Variants in PHF24 observed in about 807,000 individuals in gnomAD.
PHF24 encodes the protein PHD finger protein 24.
A neutral mutation model predicts 42.6 loss-of-function variants in PHF24; 25 were observed. The observed-to-expected ratio is 0.59, with a 90% confidence interval of 0.43 to 0.82. The LOEUF is 0.82. Ranked by LOEUF, PHF24 falls within the 40% of genes least tolerant of loss-of-function variation. PHF24 has a pLI of 0.00. For synonymous variants in PHF24, 185 were observed against 204.8 expected, an observed-to-expected ratio of 0.90 and a Z score of 0.83; for missense variants, 470 against 538.1, an observed-to-expected ratio of 0.87 and a Z score of 1.25.
chr9:34,671,096 C>G, the PHF24 span, among the ~76,000 whole-genome samples: 1 of 152,192 alleles, frequency 6.6e-6, no homozygotes, highest in Non-Finnish European at 1.5e-5. Flanking sequence ...CTTATTGACC[C>G]ATTTTCCTAT....
At chr9:34,781,913 G>A in the PHF24 span, among the ~76,000 whole-genome samples, 1 of 152,276 alleles carries the variant, frequency 6.6e-6, no homozygotes, top group South Asian at 2.1e-4. Context: ...CATTTCCCAG[G>A]CACAGTAAGA....
At chr9:34,979,424 C>T (rs1827315535) in exon 8 of PHF24, 1 of 152,256 alleles carries the variant, frequency 6.6e-6, no homozygotes, top group Admixed American at 6.5e-5. Context: ...GGCCTCCAAG[C>T]CCCAGCCCTC....
intron 3 of PHF24, among the ~76,000 whole-genome samples, chr9:34,973,707 C>G (rs1827088318): frequency 6.6e-6 from 1 of 152,218 alleles, no homozygotes; most frequent in Admixed American, 6.5e-5. Flanking sequence ...CACTGAAACA[C>G]CTGTCCCCAT....
the PHF24 span, chr9:34,709,144 T>A: frequency 5.2e-6 from 3 of 578,200 alleles, no homozygotes; most frequent in Non-Finnish European, 9.1e-6. Context: ...TGCTGCCTCC[T>A]CTCATGCTCC....
At chr9:34,761,447 G>C in the PHF24 span, among the ~76,000 whole-genome samples, 2 of 152,154 alleles carry the variant, frequency 1.3e-5, no homozygotes, top group African/African-American at 4.8e-5. Flanking sequence ...ATTAAAGAAA[G>C]AGAGCAGATG....
the PHF24 span, among the ~76,000 whole-genome samples, chr9:34,765,808 C>A: frequency 2.6e-5 from 4 of 152,170 alleles, no homozygotes; most frequent in African/African-American, 7.2e-5. Flanking sequence ...ATGGTCTTTA[C>A]AATTTGGCAT....
chr9:34,836,017 C>A, the PHF24 span: 1 of 653,480 alleles, frequency 1.5e-6, no homozygotes, highest in South Asian at 1.5e-5. Context: ...ACATAGGATT[C>A]GCCGCACACT....
At chr9:34,977,584 CCAG>C (rs759728708) in exon 7 of PHF24, 30 of 1,609,428 alleles carry the variant, frequency 1.9e-5, no homozygotes, top group Admixed American at 1.0e-4. Context: ...AGCAGCCCAG[CCAG>C]CAGCAGCAGC....
chr9:34,915,123 C>G, the PHF24 span, among the ~76,000 whole-genome samples: 2 of 150,420 alleles, frequency 1.3e-5, no homozygotes, highest in South Asian at 2.1e-4. Flanking sequence ...GCCTCGACCT[C>G]CTGGGCTCAA....
At chr9:34,899,440 T>G in the PHF24 span, among the ~76,000 whole-genome samples, 1 of 152,180 alleles carries the variant, frequency 6.6e-6, no homozygotes, top group Non-Finnish European at 1.5e-5. Context: ...ATGCCACTGG[T>G]GTGAGACTTG....
exon 6 of PHF24, chr9:34,977,090 T>C: frequency 4.4e-6 from 7 of 1,597,494 alleles, no homozygotes; most frequent in South Asian, 3.4e-5. Context: ...CAGAACTCTC[T>C]GTTGAGGCTT....
At chr9:34,878,172 T>C in the PHF24 span, among the ~76,000 whole-genome samples, 4 of 152,132 alleles carry the variant, frequency 2.6e-5, no homozygotes, top group Non-Finnish European at 5.9e-5. Flanking sequence ...GAGGGGAATA[T>C]ATAGGAACTC....
At chr9:34,815,723 A>G in the PHF24 span, among the ~76,000 whole-genome samples, 1 of 152,230 alleles carries the variant, frequency 6.6e-6, no homozygotes. Context: ...TGTTTTAAAT[A>G]TGCATAGCCT....
At chr9:34,708,734 T>C in the PHF24 span, among the ~76,000 whole-genome samples, 1 of 152,162 alleles carries the variant, frequency 6.6e-6, no homozygotes. Flanking sequence ...CAGGACAGAA[T>C]CAGGGTCTCA....
exon 8 of PHF24, chr9:34,982,532 G>A (rs770188732): frequency 3.3e-5 from 5 of 152,222 alleles, no homozygotes; most frequent in African/African-American, 9.6e-5. Context: ...ATAATAAAGC[G>A]ATTGCGATGC....
the PHF24 span, among the ~76,000 whole-genome samples, chr9:34,756,073 T>G: frequency 6.6e-6 from 1 of 152,164 alleles, no homozygotes; most frequent in African/African-American, 2.4e-5. Flanking sequence ...GGTCTTACTC[T>G]TCACCCTGTA....
At chr9:34,822,906 A>G in the PHF24 span, among the ~76,000 whole-genome samples, 5 of 152,134 alleles carry the variant, frequency 3.3e-5, no homozygotes, top group Non-Finnish European at 7.4e-5. Context: ...GCAAAAAAAA[A>G]GATTGTCCGG....
At chr9:34,730,260 C>A in the PHF24 span, among the ~76,000 whole-genome samples, 1 of 152,182 alleles carries the variant, frequency 6.6e-6, no homozygotes, top group Non-Finnish European at 1.5e-5. Flanking sequence ...AATTTTTAGG[C>A]AGGGCATGTG....
chr9:34,936,271 G>GTGTTC, the PHF24 span, among the ~76,000 whole-genome samples: 2 of 152,212 alleles, frequency 1.3e-5, no homozygotes, highest in Non-Finnish European at 2.9e-5. Context: ...GGGTTTCGCT[G>GTGTTC]TGTTCGCCGG....
Sources: allele counts gnomAD v4.1 joint callset (sites outside exome capture counted in the v4.1 genomes callset), GRCh38; gene constraint gnomAD v4.1.1; transcripts MANE v1.5; gene names NCBI Gene and HGNC (gene_info 2026-07-23, HGNC 2026-07-21).